The following OCA2 variants were observed in gnomAD, a reference collection of about 807,000 sequenced individuals.
OCA2 encodes P protein.
A neutral mutation model predicts 100.2 loss-of-function variants in OCA2; 77 were observed. That is an observed-to-expected ratio of 0.77 (90% CI 0.64 to 0.93). The LOEUF is 0.93. Among genes scored for constraint, OCA2 ranks in the 40% least tolerant of loss-of-function variants. The pLI is 0.00. For missense variants in OCA2, 1,062 were observed against 1,089.1 expected, an observed-to-expected ratio of 0.98 and a Z score of 0.35; for synonymous variants, 432 against 439.2, an observed-to-expected ratio of 0.98 and a Z score of 0.21.
chr15:27,957,252 C>T lies in OCA2; in HGVS notation c.1784+336G>A, dbSNP rs542047173. 1.3e-3 allele frequency among the ~76,000 whole-genome samples: 200 copies of T among 152,226 alleles called. 1 individual carries two copies. The highest frequency in any genetic ancestry group is 4.7e-3 in the African/African-American group (194 of 41,538). ...TGCATTAATGGTTTTTGGTTTTTGTCGTGCAACAATTACAATGTAGAGAGA... is the reference window on the plus strand; with the variant it reads ...TGCATTAATGGTTTTTGGTTTTTGTTGTGCAACAATTACAATGTAGAGAGA... On this transcript the variant is annotated intron_variant, in intron 16 of 23. Transcript: ENST00000354638. This position sits in a 1 kb window ranked among gnomAD's most constrained non-coding sequence, Gnocchi z 4.3.
chr15:27,746,491 TAAA>T, the OCA2 span, among the ~76,000 whole-genome samples: 1 of 103,800 alleles, frequency 9.6e-6, no homozygotes, highest in Non-Finnish European at 2.1e-5. Context: ...AATAAATAAA[TAAA>T]TAGAACTTTT....
intron 1 of OCA2, 37 bp from the exon 2 acceptor site, chr15:28,081,932 GC>G (rs2044646689): frequency 6.6e-7 from 1 of 1,513,986 alleles, no homozygotes; most frequent in Non-Finnish European, 9.0e-7. Context: ...TTCATGAAAG[GC>G]ACACTGAGAC....
At chr15:27,934,750 C>T (rs928360006) in intron 18 of OCA2, among the ~76,000 whole-genome samples, 1 of 152,212 alleles carries the variant, frequency 6.6e-6, no homozygotes, top group Non-Finnish European at 1.5e-5. Context: ...GCCAAAACTC[C>T]TGCTATAGCA....
At position 28,043,448 on chromosome 15, in the gene OCA2, T is replaced by C. The variant is rs118032175; in HGVS notation, c.228-11285A>G. Among the ~76,000 whole-genome samples, 334 of 152,274 alleles carry C rather than the reference T, an allele frequency of 2.2e-3. No homozygotes were observed. Among genetic ancestry groups the C allele is most frequent in the Middle Eastern group, 0.02 (6 of 294 alleles). On this transcript the variant is annotated intron_variant, in intron 2 of 23. Transcript: ENST00000354638. The surrounding 1 kb of genome is among the most constrained non-coding windows in gnomAD (Gnocchi z 4.4). ...TCTCCAAAAATCACAATAAAGAAGA[T>C]TGGTGCCCATTTTTTCTGGGGCTTA...
At chr15:27,919,158 C>T (rs1434625087) in intron 19 of OCA2, among the ~76,000 whole-genome samples, 2 of 152,096 alleles carry the variant, frequency 1.3e-5, no homozygotes, top group Non-Finnish European at 2.9e-5. Context: ...AGTAAAGACA[C>T]ACAAGAATAG....
chr15:27,965,319 AAACAT>A (rs1229334029), intron 15 of OCA2, among the ~76,000 whole-genome samples: 1 of 152,248 alleles, frequency 6.6e-6, no homozygotes, highest in Admixed American at 6.5e-5. Flanking sequence ...GTTGATTATA[AAACAT>A]TCTAAACACC....
At chr15:27,721,213 G>A in the OCA2 span, among the ~76,000 whole-genome samples, 4 of 152,014 alleles carry the variant, frequency 2.6e-5, no homozygotes, top group African/African-American at 4.8e-5. Context: ...AACAAATAAC[G>A]TAATTTGCAG....
intron 19 of OCA2, among the ~76,000 whole-genome samples, chr15:27,922,310 A>G (rs1179083514): frequency 2.0e-5 from 3 of 152,248 alleles, no homozygotes; most frequent in African/African-American, 7.2e-5. Context: ...TTGAGAGATC[A>G]CTTTTTACTG....
chr15:28,057,000 G>A (rs1197184774), intron 2 of OCA2, among the ~76,000 whole-genome samples: 1 of 152,258 alleles, frequency 6.6e-6, no homozygotes, highest in Non-Finnish European at 1.5e-5. Context: ...AGCAGAGGCA[G>A]TGGCTGCATT....
intron 17 of OCA2, among the ~76,000 whole-genome samples, chr15:27,952,456 A>G (rs114814404): frequency 0.01 from 1,536 of 152,276 alleles, 26 homozygotes; most frequent in African/African-American, 0.035. Context: ...AGGAGACGGC[A>G]CGAGACGGGG....
chr15:27,804,566 T>G (rs748444289), intron 23 of OCA2, among the ~76,000 whole-genome samples: 13 of 152,248 alleles, frequency 8.5e-5, no homozygotes, highest in Non-Finnish European at 8.8e-5. Context: ...TTTGTTTTCA[T>G]TATTTACACT....
intron 1 of OCA2, among the ~76,000 whole-genome samples, chr15:28,091,107 CA>C (rs1410266088): frequency 2.6e-5 from 4 of 152,128 alleles, no homozygotes; most frequent in Non-Finnish European, 4.4e-5. Flanking sequence ...AGTGATTCCT[CA>C]AAAAGCACAA....
At chr15:27,793,305 T>C (rs1452353387) in intron 23 of OCA2, among the ~76,000 whole-genome samples, 2 of 152,086 alleles carry the variant, frequency 1.3e-5, no homozygotes, top group African/African-American at 2.4e-5. Flanking sequence ...CTTATGAGTG[T>C]TTGCGAAACT....
At chr15:27,728,122 A>G in the OCA2 span, among the ~76,000 whole-genome samples, 1 of 152,190 alleles carries the variant, frequency 6.6e-6, no homozygotes, top group Admixed American at 6.5e-5. Context: ...AAAGCCCAAA[A>G]TATCATCTAA....
intron 23 of OCA2, among the ~76,000 whole-genome samples, chr15:27,756,884 G>A (rs747569696): frequency 1.2e-4 from 18 of 152,172 alleles, no homozygotes; most frequent in African/African-American, 2.7e-4. Context: ...TGGTTTTGCC[G>A]TGCTCCCAAG....
intron 15 of OCA2, among the ~76,000 whole-genome samples, chr15:27,962,714 CAATT>C (rs2040445933): frequency 6.6e-6 from 1 of 152,060 alleles, no homozygotes; most frequent in East Asian, 1.9e-4. Flanking sequence ...TTTAAATACT[CAATT>C]AATTCAAAAG....
intron 23 of OCA2, among the ~76,000 whole-genome samples, chr15:27,811,096 A>G (rs956109726): frequency 6.6e-6 from 1 of 152,210 alleles, no homozygotes; most frequent in African/African-American, 2.4e-5. Flanking sequence ...GCAATTCACA[A>G]CTGCAAAGAT....
the OCA2 span, among the ~76,000 whole-genome samples, chr15:27,725,314 C>A: frequency 6.6e-6 from 1 of 152,204 alleles, no homozygotes; most frequent in South Asian, 2.1e-4. Flanking sequence ...TGGTGGCTCA[C>A]GCCTATAATC....
At chr15:27,928,485 G>A (rs2703967) in intron 18 of OCA2, among the ~76,000 whole-genome samples, 8,145 of 152,228 alleles carry the variant, frequency 0.054, 750 homozygotes, top group African/African-American at 0.19. Context: ...CTGGTTCACA[G>A]CAGGATGTCT....
Sources: allele counts gnomAD v4.1 joint callset (sites outside exome capture counted in the v4.1 genomes callset), GRCh38; gene constraint gnomAD v4.1.1; non-coding constraint Gnocchi (gnomAD v3.1); transcripts MANE v1.5; gene names NCBI Gene and HGNC (gene_info 2026-07-23, HGNC 2026-07-21).